PHACTR2: variants seen among roughly 807,000 people sequenced by gnomAD.
PHACTR2 encodes the protein phosphatase and actin regulator 2.
PHACTR2 carries 30 observed loss-of-function variants against 76.0 expected under a neutral mutation model. That is an observed-to-expected ratio of 0.39 (90% CI 0.30 to 0.54). The LOEUF (loss-of-function observed/expected upper bound fraction) is 0.54. PHACTR2 is among the 20% of genes least tolerant of loss of function. The pLI is 0.61. For synonymous variants in PHACTR2, 292 were observed against 292.5 expected (o/e 1.00, Z 0.02); for missense variants, 696 against 781.1 (o/e 0.89, Z 1.30).
Position 143,608,841 on chromosome 6 carries a change from G to C in PHACTR2, c.13+519G>C, listed in dbSNP as rs895153925. On this transcript the variant is annotated intron_variant, in intron 1 of 11. Transcript: ENST00000305766. The surrounding 1 kb of genome is among the most constrained non-coding windows in gnomAD (Gnocchi z 4.6). ...TAATTTCAGAATAGAGACATTAGTG[G>C]TCAATTGTGAACCTTTAAAAATGTA... 6.6e-6 allele frequency among the ~76,000 whole-genome samples: 1 copy of C among 152,180 alleles called. No individual in the cohort carries two copies. The highest frequency in any genetic ancestry group is 2.4e-5 in the African/African-American group (1 of 41,436).
chr6:143,584,345 C>G (rs1317005861), intron 1 of PHACTR2, among the ~76,000 whole-genome samples: 1 of 152,204 alleles, frequency 6.6e-6, no homozygotes, highest in Non-Finnish European at 1.5e-5. Flanking sequence ...TCCTGAGTCC[C>G]TCCACTGTAC....
At position 143,819,124 on chromosome 6, in the gene PHACTR2, C is replaced by A. The variant is rs987496047; in HGVS notation, c.1923-4550C>A. ...GAGCTAACAAATAACTTCCTAGATA[C>A]CCCTGTGTATATGTGTTCAGTGACT... is the stretch of plus-strand genomic sequence containing the variant. On this transcript the variant is annotated intron_variant, in intron 12 of 12. Transcript: ENST00000440869. The surrounding 1 kb of genome is among the most constrained non-coding windows in gnomAD (Gnocchi z 5.0). Among the ~76,000 whole-genome samples, 16 of 152,078 alleles carry A rather than the reference C, an allele frequency of 1.1e-4. No homozygotes were observed. The highest frequency in any genetic ancestry group is 2.2e-4 in the Non-Finnish European group (15 of 68,032).
intron 1 of PHACTR2, among the ~76,000 whole-genome samples, chr6:143,572,335 G>A (rs1038628507): frequency 6.6e-6 from 1 of 152,074 alleles, no homozygotes; most frequent in Non-Finnish European, 1.5e-5. Context: ...CAGTCAATCT[G>A]ATCAATATAT....
rs1027498124 is a variant in PHACTR2, at chr6:143,722,531, T to G, written c.214+10348T>G. ...TACATATTTTGGGGTATATGTGATA[T>G]TTTTATATAAGCATACAATGTGTAA... On this transcript the variant is annotated intron_variant, in intron 2 of 12. Coordinates refer to ENST00000440869, the MANE Select transcript of PHACTR2 (RefSeq NM_001100164.2). This position sits in a 1 kb window ranked among gnomAD's most constrained non-coding sequence, Gnocchi z 4.1. Among the ~76,000 whole-genome samples the G allele has an allele frequency of 6.6e-6, 1 of 152,258 alleles. No homozygotes were observed. Among genetic ancestry groups the G allele is most frequent in the Non-Finnish European group, 1.5e-5 (1 of 68,044 alleles).
At position 143,826,262 on chromosome 6, in the gene PHACTR2, C is replaced by T. The variant is rs1046194571; in HGVS notation, c.*2573C>T. Reference sequence around the variant, plus strand: ...CGGCCACCCAGCCAGAGGTCTCCTACCTGGGGGCCCTAAAGGGATGCAGAG... The same window carrying T: ...CGGCCACCCAGCCAGAGGTCTCCTATCTGGGGGCCCTAAAGGGATGCAGAG... On this transcript the variant is annotated 3_prime_UTR_variant, in exon 13 of 13. Coordinates refer to ENST00000440869, the MANE Select transcript of PHACTR2 (RefSeq NM_001100164.2). The T allele has an allele frequency of 2.0e-5, 3 of 152,228 alleles. No individual in the cohort carries two copies. The highest frequency in any genetic ancestry group is 2.1e-4 in the South Asian group (1 of 4,832). 9.4% of individuals were successfully genotyped at this position (152,228 alleles called of 1,614,324 possible). A position where few individuals can be genotyped will look rare whatever the true frequency, so the allele number is the denominator to read the frequency against.
At chr6:143,786,895 A>G (rs566568259) in intron 10 of PHACTR2, among the ~76,000 whole-genome samples, 1 of 152,308 alleles carries the variant, frequency 6.6e-6, no homozygotes, top group East Asian at 1.9e-4. Context: ...GGGTGAGGAC[A>G]CCGCCAAACC....
rs184450554 is a variant in PHACTR2 at position 143,750,045 on chromosome 6, G to A, written c.295+980G>A. ...CTTGCAAAGGACTTAACATTTTTTGGCATTCACTATTTGTAAATCAAAATG... is the reference window on the plus strand; with the variant it reads ...CTTGCAAAGGACTTAACATTTTTTGACATTCACTATTTGTAAATCAAAATG... On this transcript the variant is annotated intron_variant, in intron 3 of 12. Coordinates refer to ENST00000440869, the MANE Select transcript of PHACTR2 (RefSeq NM_001100164.2). This position sits in a 1 kb window ranked among gnomAD's most constrained non-coding sequence, Gnocchi z 4.6. Among the ~76,000 whole-genome samples, 3 of 152,066 alleles carry A rather than the reference G, an allele frequency of 2.0e-5. No homozygotes were observed. In the East Asian group the frequency reaches 5.8e-4, roughly 29 times the overall value.
chr6:143,765,739 G>C lies in PHACTR2; in HGVS notation c.1173G>C (p.Thr391=), dbSNP rs751320429. ...PSQLLWAEEP[T]NRTTLYSGTG... Reference sequence around the variant, plus strand: ...AGCTTCTTTGGGCTGAAGAGCCGACGAACAGAACCACTCTCTACTCAGGCA... The same window carrying C: ...AGCTTCTTTGGGCTGAAGAGCCGACCAACAGAACCACTCTCTACTCAGGCA... The change falls in exon 6 of 13, where the codon ACG becomes ACC. Residue 391 remains threonine, a synonymous_variant. Coordinates refer to ENST00000440869, the MANE Select transcript of PHACTR2 (RefSeq NM_001100164.2). This position sits in a 1 kb window ranked among gnomAD's most constrained non-coding sequence, Gnocchi z 4.1. 5.0e-6 allele frequency: 8 copies of C among 1,614,068 alleles called. No homozygotes were observed. Among genetic ancestry groups the C allele is most frequent in the Non-Finnish European group, 6.8e-6 (8 of 1,180,054 alleles).
upstream of PHACTR2, among the ~76,000 whole-genome samples, chr6:143,676,517 C>T (rs1413540537): frequency 1.3e-5 from 2 of 152,100 alleles, no homozygotes; most frequent in African/African-American, 4.8e-5. This position sits in a 1 kb window ranked among gnomAD's most constrained non-coding sequence, Gnocchi z 4.8. Context: ...AAACATTCTC[C>T]CTCTTAACTT....
intron 1 of PHACTR2, among the ~76,000 whole-genome samples, chr6:143,579,802 T>C (rs1366799714): frequency 6.6e-6 from 1 of 152,134 alleles, no homozygotes; most frequent in Non-Finnish European, 1.5e-5. Flanking sequence ...AATACATTTA[T>C]TGTTTCTGTG....
intron 1 of PHACTR2, among the ~76,000 whole-genome samples, chr6:143,542,240 G>A (rs920349885): frequency 7.9e-5 from 12 of 152,286 alleles, no homozygotes; most frequent in Non-Finnish European, 1.6e-4. Flanking sequence ...CCCAGGGAGA[G>A]CACCCTTTTC....
chr6:143,608,467 TG>T lies in PHACTR2; in HGVS notation c.13+146del. 1.3e-6 allele frequency: 1 copy of T among 777,468 alleles called. No homozygotes were observed. The allele number at this position is 777,468 out of a possible 1,614,324, so 48.2% of individuals were successfully genotyped here. A position where few individuals can be genotyped will look rare whatever the true frequency, so the allele number is the denominator to read the frequency against. On this transcript the variant is annotated intron_variant, in intron 1 of 11. Coordinates refer to the PHACTR2 transcript ENST00000305766. The surrounding 1 kb of genome is among the most constrained non-coding windows in gnomAD (Gnocchi z 4.6). ...GACGCGTGTAATATGTGAACCCCGA[TG>T]CATTGTCCACAAGACAATTAGTGTT...
At position 143,751,791 on chromosome 6, in the gene PHACTR2, TACACACACAC is replaced by T. The variant is rs71024875; in HGVS notation, c.296-1938_296-1929del. Among the ~76,000 whole-genome samples the T allele has an allele frequency of 2.1e-5, 3 of 140,266 alleles. No individual in the cohort carries two copies. Among genetic ancestry groups the T allele is most frequent in the Non-Finnish European group, 3.1e-5 (2 of 65,006 alleles). 92.0% of individuals were successfully genotyped at this position (140,266 alleles called of 152,430 possible). The stretch of plus-strand genomic sequence containing the variant: ...TCCTTTGCTCTGCTTGTATTTTACT[TACACACACAC>T]ACACACACACACACACACACACACT... On this transcript the variant is annotated intron_variant, in intron 3 of 12. Transcript: ENST00000440869. This position sits in a 1 kb window ranked among gnomAD's most constrained non-coding sequence, Gnocchi z 5.7.
At chr6:143,691,123 ATTCC>A in intron 1 of PHACTR2, among the ~76,000 whole-genome samples, 1 of 152,296 alleles carries the variant, frequency 6.6e-6, no homozygotes, top group Middle Eastern at 3.4e-3. Flanking sequence ...ATTCCAGAGG[ATTCC>A]TAAGGTGAGA....
Position 143,809,474 on chromosome 6 carries a change from G to T in PHACTR2, c.1922+2341G>T, listed in dbSNP as rs955785423. On this transcript the variant is annotated intron_variant, in intron 12 of 12. Transcript: ENST00000440869. This position sits in a 1 kb window ranked among gnomAD's most constrained non-coding sequence, Gnocchi z 4.2. ...GATCCTCCCAGCTCAGTCTACCAAA[G>T]TGTTGTGATTAAAGGCATGAGCCAC... Among the ~76,000 whole-genome samples, 65 of 152,146 alleles carry T rather than the reference G, an allele frequency of 4.3e-4. No individual in the cohort carries two copies. Among genetic ancestry groups the T allele is most frequent in the Non-Finnish European group, 3.2e-4 (22 of 67,998 alleles).
chr6:143,738,809 A>G lies in PHACTR2; in HGVS notation c.215-10176A>G, dbSNP rs1000897226. ...AAATTAAATGAATGGAAATGTCTTC[A>G]TTTAGGATGCTTTAGTGTCACTAAG... On this transcript the variant is annotated intron_variant, in intron 2 of 12. Coordinates refer to ENST00000440869, the MANE Select transcript of PHACTR2 (RefSeq NM_001100164.2). This position sits in a 1 kb window ranked among gnomAD's most constrained non-coding sequence, Gnocchi z 4.0. Among the ~76,000 whole-genome samples, 4 of 152,156 alleles carry G rather than the reference A, an allele frequency of 2.6e-5. No homozygotes were observed. The highest frequency in any genetic ancestry group is 7.2e-5 in the African/African-American group (3 of 41,446).
chr6:143,762,155 T>C (rs1779457457), intron 5 of PHACTR2, among the ~76,000 whole-genome samples: 1 of 152,172 alleles, frequency 6.6e-6, no homozygotes, highest in Non-Finnish European at 1.5e-5. Context: ...GAGGCACTGA[T>C]CTTCTTCTTA....
In PHACTR2 at chr6:143,627,864, G is replaced by A. The variant is rs1380671212; in HGVS notation, c.13+19542G>A. ...GATCCGCCCACCTCGGCCTCCCAAAGTACAACCACCACTTCTATCTGGTTC... is the reference window on the plus strand; with the variant it reads ...GATCCGCCCACCTCGGCCTCCCAAAATACAACCACCACTTCTATCTGGTTC... On this transcript the variant is annotated intron_variant, in intron 1 of 11. Coordinates refer to the PHACTR2 transcript ENST00000305766. This position sits in a 1 kb window ranked among gnomAD's most constrained non-coding sequence, Gnocchi z 4.3. Among the ~76,000 whole-genome samples, 2 of 152,080 alleles carry A rather than the reference G, an allele frequency of 1.3e-5. No individual in the cohort carries two copies. Among genetic ancestry groups the A allele is most frequent in the Non-Finnish European group, 2.9e-5 (2 of 68,018 alleles).
At position 143,818,654 on chromosome 6, in the gene PHACTR2, A is replaced by C. The variant is rs1412494415; in HGVS notation, c.1923-5020A>C. 1.3e-5 allele frequency among the ~76,000 whole-genome samples: 2 copies of C among 152,170 alleles called. No individual in the cohort carries two copies. The highest frequency in any genetic ancestry group is 4.8e-5 in the African/African-American group (2 of 41,446). ...TCAGGAAACCTGCAATCCTGGCAGA[A>C]GGCACCTCTTCACAGGGCAGCAGGA... On this transcript the variant is annotated intron_variant, in intron 12 of 12. Transcript: ENST00000440869. This position sits in a 1 kb window ranked among gnomAD's most constrained non-coding sequence, Gnocchi z 4.9.
Sources: gnomAD v4.1 joint callset for allele counts (sites outside exome capture counted in the v4.1 genomes callset) on GRCh38, gnomAD v4.1.1 for gene constraint, Gnocchi (gnomAD v3.1) non-coding constraint, MANE v1.5 for transcripts, NCBI Gene and HGNC (gene_info 2026-07-23, HGNC 2026-07-21) for gene names.